Variants in DLGAP2 observed in about 807,000 individuals in gnomAD.
The protein encoded by DLGAP2 is DLG associated protein 2.
In DLGAP2, 26 loss-of-function variants were observed where a neutral mutation model predicts 100.3. The observed-to-expected ratio is 0.26, with a 90% confidence interval of 0.19 to 0.36. The LOEUF (loss-of-function observed/expected upper bound fraction) is 0.36. Ranked by LOEUF, DLGAP2 falls within the 10% of genes least tolerant of loss-of-function variation. The pLI, the probability that DLGAP2 is intolerant of heterozygous loss-of-function variation, is 1.00. For synonymous variants in DLGAP2, 886 were observed against 630.1 expected (o/e 1.41, Z -6.08); for missense variants, 1,858 against 1,453.2 (o/e 1.28, Z -4.53).
chr8:927,901 G>A (rs138189463), intron 2 of DLGAP2, among the ~76,000 whole-genome samples: 1 of 152,216 alleles, frequency 6.6e-6, no homozygotes, highest in African/African-American at 2.4e-5. Context: ...GCACACAGAT[G>A]CACAAGTTCC....
At chr8:1,291,562 C>G (rs1019266107) in intron 3 of DLGAP2, among the ~76,000 whole-genome samples, 4 of 152,192 alleles carry the variant, frequency 2.6e-5, no homozygotes, top group Non-Finnish European at 5.9e-5. Flanking sequence ...CCTGCCATTC[C>G]TAATCCGGGG....
At chr8:1,367,581 A>G (rs1194651904) in intron 3 of DLGAP2, among the ~76,000 whole-genome samples, 4 of 152,236 alleles carry the variant, frequency 2.6e-5, no homozygotes, top group Non-Finnish European at 5.9e-5. Context: ...AGCTGCTTTC[A>G]CCATTCTAAA....
chr8:1,569,664 C>G (rs536412688), intron 6 of DLGAP2, among the ~76,000 whole-genome samples: 1 of 152,334 alleles, frequency 6.6e-6, no homozygotes, highest in South Asian at 2.1e-4. Flanking sequence ...CAGGGAAGCT[C>G]TCATGATGCC....
intron 2 of DLGAP2, among the ~76,000 whole-genome samples, chr8:953,708 A>C (rs1799534229): frequency 6.6e-6 from 1 of 152,090 alleles, no homozygotes; most frequent in African/African-American, 2.4e-5. Flanking sequence ...AGTGGAGCTG[A>C]CGCTGTCACA....
intron 3 of DLGAP2, among the ~76,000 whole-genome samples, chr8:1,281,301 G>A (rs1356233017): frequency 6.6e-6 from 1 of 152,196 alleles, no homozygotes; most frequent in Non-Finnish European, 1.5e-5. Flanking sequence ...AGAAACGGGG[G>A]ATGGTGGAGG....
intron 2 of DLGAP2, among the ~76,000 whole-genome samples, chr8:1,176,598 C>T (rs992663690): frequency 3.3e-5 from 5 of 151,690 alleles, no homozygotes; most frequent in African/African-American, 1.2e-4. Context: ...ATCCAGTGCA[C>T]GACAGGGGTC....
At chr8:971,731 A>C (rs1800019829) in intron 2 of DLGAP2, among the ~76,000 whole-genome samples, 1 of 152,188 alleles carries the variant, frequency 6.6e-6, no homozygotes. Context: ...TTGTATTCTG[A>C]GCAAGGCCTG....
intron 3 of DLGAP2, among the ~76,000 whole-genome samples, chr8:1,403,830 A>T (rs1183297749): frequency 8.5e-4 from 8 of 9,400 alleles, no homozygotes; most frequent in Non-Finnish European, 1.9e-4. Context: ...CTCGTCCTCC[A>T]GAGTCGTGTA....
chr8:1,409,339 C>T (rs1313045994), intron 3 of DLGAP2, among the ~76,000 whole-genome samples: 2 of 151,916 alleles, frequency 1.3e-5, no homozygotes, highest in East Asian at 1.9e-4. Context: ...CCTGGCTCCC[C>T]TTGGACCACT....
chr8:1,255,793 G>A (rs1208181723), intron 2 of DLGAP2, among the ~76,000 whole-genome samples: 1 of 137,362 alleles, frequency 7.3e-6, no homozygotes, highest in Non-Finnish European at 1.6e-5. Flanking sequence ...CTCTCATCCT[G>A]CCTGGGTGCT....
chr8:1,051,694 C>T (rs747240731), intron 2 of DLGAP2, among the ~76,000 whole-genome samples: 6 of 152,078 alleles, frequency 3.9e-5, no homozygotes, highest in Non-Finnish European at 8.8e-5. Context: ...TTTAGACTCA[C>T]GGAAGCTGCT....
At chr8:1,217,142 G>A (rs1798230846) in intron 2 of DLGAP2, among the ~76,000 whole-genome samples, 1 of 152,072 alleles carries the variant, frequency 6.6e-6, no homozygotes, top group African/African-American at 2.4e-5. Context: ...CCCAGTATCT[G>A]TTGCTCCCCT....
At chr8:795,679 A>ACAGGCATCCAGTGAGAG (rs1796012771) in intron 1 of DLGAP2, among the ~76,000 whole-genome samples, 1 of 26,966 alleles carries the variant, frequency 3.7e-5, no homozygotes, top group Non-Finnish European at 7.8e-5. Flanking sequence ...TCCAGTGAGA[A>ACAGGCATCCAGTGAGAG]CAGGCGTCCA....
At chr8:1,552,359 C>T (rs1377300231) in intron 5 of DLGAP2, among the ~76,000 whole-genome samples, 3 of 152,238 alleles carry the variant, frequency 2.0e-5, no homozygotes, top group East Asian at 3.8e-4. Context: ...ACCACCTCTT[C>T]GGGGCATGCA....
intron 2 of DLGAP2, among the ~76,000 whole-genome samples, chr8:1,115,112 T>C (rs1391281736): frequency 6.6e-6 from 1 of 152,236 alleles, no homozygotes; most frequent in Admixed American, 6.5e-5. Context: ...TGTTCAATTA[T>C]GTGGTCTGTT....
rs373452458 is a variant in DLGAP2, at chr8:1,668,654, C to T, written c.2136C>T (p.Ser712=). The T allele has an allele frequency of 2.0e-5, 32 of 1,573,832 alleles. No individual in the cohort carries two copies. The African/African-American group carries it at 3.4e-4, about 17-fold the overall frequency. ...CCAAGGCGGAGGAGCTCCTCAAGAG[C>T]CGCTGCTCCTCCATCGGGATTCAGG... ...LVSKAEELLK[S]RCSSIGIQDS... The change falls in exon 9 of 15, where the codon AGC becomes AGT. Residue 712 remains serine (S), a synonymous_variant. Transcript: ENST00000637795.
At chr8:978,939 G>T (rs1480225482) in intron 2 of DLGAP2, among the ~76,000 whole-genome samples, 1 of 152,138 alleles carries the variant, frequency 6.6e-6, no homozygotes. Flanking sequence ...TTCTCTGCTG[G>T]CAACGAGTTT....
At chr8:1,211,979 C>T (rs541312263) in intron 2 of DLGAP2, among the ~76,000 whole-genome samples, 16 of 152,222 alleles carry the variant, frequency 1.1e-4, no homozygotes, top group Non-Finnish European at 1.3e-4. Context: ...GTCTGACTGG[C>T]GCTGTGGAAA....
At chr8:961,622 C>G (rs114241853) in intron 2 of DLGAP2, among the ~76,000 whole-genome samples, 2,313 of 152,270 alleles carry the variant, frequency 0.015, 69 homozygotes, top group African/African-American at 0.053. Context: ...AATTTATACA[C>G]AAGTATTTCT....
Sources: gnomAD v4.1 joint callset for allele counts (sites outside exome capture counted in the v4.1 genomes callset) on GRCh38, gnomAD v4.1.1 for gene constraint, MANE v1.5 for transcripts, NCBI Gene and HGNC (gene_info 2026-07-23, HGNC 2026-07-21) for gene names.